The following MFSD6 variants were observed in gnomAD, a reference collection of about 807,000 sequenced individuals.
MFSD6 encodes major facilitator superfamily domain containing 6.
Under a neutral mutation model 56.3 loss-of-function variants are expected in MFSD6, and 26 were observed. The ratio of observed to expected loss-of-function variants is 0.46; its 90% confidence interval spans 0.34 to 0.64. The LOEUF is 0.64. Among genes scored for constraint, MFSD6 ranks in the 30% least tolerant of loss-of-function variants. The probability of loss-of-function intolerance (pLI) is 0.01; values close to 1 mark genes in which losing one functional copy is unlikely to be tolerated. For missense variants in MFSD6, 750 were observed against 986.2 expected, an observed-to-expected ratio of 0.76 and a Z score of 3.21; for synonymous variants, 331 against 366.9, an observed-to-expected ratio of 0.90 and a Z score of 1.12.
rs865873049 is a variant in MFSD6 at position 190,425,927 on chromosome 2, C to A, written c.-53-10050C>A. Among the ~76,000 whole-genome samples, 1 of 152,172 alleles carries A rather than the reference C, an allele frequency of 6.6e-6. No individual in the cohort carries two copies. Among genetic ancestry groups the A allele is most frequent in the Non-Finnish European group, 1.5e-5 (1 of 68,028 alleles). On this transcript the variant is annotated intron_variant, in intron 2 of 7. Transcript: ENST00000392328. The surrounding 1 kb of genome is among the most constrained non-coding windows in gnomAD (Gnocchi z 4.3). Reference sequence around the variant, plus strand: ...CCATGGTTTCTCAGAAATCTGCTATCATTTCAATTGTTTTTCTCCCATTGG... The same window carrying A: ...CCATGGTTTCTCAGAAATCTGCTATAATTTCAATTGTTTTTCTCCCATTGG...
chr2:190,480,844 G>A (rs970180570), intron 4 of MFSD6, among the ~76,000 whole-genome samples: 52 of 152,200 alleles, frequency 3.4e-4, no homozygotes, highest in African/African-American at 1.2e-3. Flanking sequence ...TCTAATAAAT[G>A]TTAGAAAACA....
Position 190,431,551 on chromosome 2 carries a change from G to A in MFSD6, c.-53-4426G>A, listed in dbSNP as rs375823602. On this transcript the variant is annotated intron_variant, in intron 2 of 7. Coordinates refer to ENST00000392328, the MANE Select transcript of MFSD6 (RefSeq NM_017694.4). The surrounding 1 kb of genome is among the most constrained non-coding windows in gnomAD (Gnocchi z 4.4). Reference sequence around the variant, plus strand: ...AACCCCGTCTCCACCAAAAAAATACGAAAACCAGTCAGGTGTGGCGGCGCG... The same window carrying A: ...AACCCCGTCTCCACCAAAAAAATACAAAAACCAGTCAGGTGTGGCGGCGCG... Among the ~76,000 whole-genome samples the A allele has an allele frequency of 3.3e-5, 5 of 152,212 alleles. No homozygotes were observed. The highest frequency in any genetic ancestry group is 1.9e-4 in the East Asian group (1 of 5,184).
rs191156556 is a variant in MFSD6, at chr2:190,438,138, T to C, written c.1532+577T>C. Among the ~76,000 whole-genome samples, 232 of 152,214 alleles carry C rather than the reference T, an allele frequency of 1.5e-3. 3 individuals are homozygous for C. The highest frequency in any genetic ancestry group is 5.4e-3 in the African/African-American group (223 of 41,518). On this transcript the variant is annotated intron_variant, in intron 3 of 7. Transcript: ENST00000392328. The surrounding 1 kb of genome is among the most constrained non-coding windows in gnomAD (Gnocchi z 5.2). ...TGGGTTATTACATGACTCCCTGCAT[T>C]TCTGTCCACCATGAAGACATAGGAT... is the stretch of plus-strand genomic sequence containing the variant.
chr2:190,464,918 G>C, intron 3 of MFSD6: 1 of 980,298 alleles, frequency 1.0e-6, no homozygotes, highest in Non-Finnish European at 1.2e-6. Context: ...TGGGGGTGGG[G>C]GAGGGTGGAT....
Position 190,436,112 on chromosome 2 carries a change from G to A in MFSD6, c.83G>A (p.Gly28Asp). 6.2e-7 allele frequency: 1 copy of A among 1,614,172 alleles called. No individual in the cohort carries two copies. The highest frequency in any genetic ancestry group is 2.2e-5 in the East Asian group (1 of 44,878). Residue 28 changes from glycine to aspartate, a missense_variant, in exon 3 of 8, where the codon GGT becomes GAT. Gly to Asp is a moderately conservative substitution (Grantham distance 94). Transcript: ENST00000392328. The surrounding 1 kb of genome is among the most constrained non-coding windows in gnomAD (Gnocchi z 5.3). ...TATGTGCTTGCAGATCCCTTTAATG[G>A]TATTTCCAGGGAACCAGAACCACCT... ...RKYVLADPFN[G>D]ISREPEPPSN...
rs1266594675 is a variant in MFSD6, at chr2:190,497,511, A to G, written c.1964A>G (p.Gln655Arg). 6.2e-7 allele frequency: 1 copy of G among 1,614,244 alleles called. No individual in the cohort carries two copies. ...CCTATAGCAACCATCGACTTGGTAC[A>G]GCAACAGACAGAAGATGTCATGCCA... is the stretch of plus-strand genomic sequence containing the variant. ...PVPIATIDLV[Q>R]QQTEDVMPRI... The change falls in exon 7 of 8, where the codon CAG (glutamine) becomes CGG (arginine). Residue 655 changes from glutamine (Q) to arginine (R), a missense_variant. Around this residue, in one of 5 missense-constraint regions of MFSD6, gnomAD observed 172 missense variants for 203.9 expected, o/e 0.84. Coordinates refer to ENST00000392328, the MANE Select transcript of MFSD6 (RefSeq NM_017694.4). This position sits in a 1 kb window ranked among gnomAD's most constrained non-coding sequence, Gnocchi z 5.2.
intron 2 of MFSD6, among the ~76,000 whole-genome samples, chr2:190,430,583 GAA>G (rs1467885844): frequency 2.0e-5 from 3 of 152,062 alleles, no homozygotes. Flanking sequence ...AGAACAAAAT[GAA>G]AAGTCTCCCA....
rs1574242245 is a variant in MFSD6, at chr2:190,487,738, T to C, written c.1631-919T>C. Reference sequence around the variant, plus strand: ...TTATGATTGCTATTTTAAAAAGATATATATAAGTTCTGGCAAGGAGGTGGA... The same window carrying C: ...TTATGATTGCTATTTTAAAAAGATACATATAAGTTCTGGCAAGGAGGTGGA... On this transcript the variant is annotated intron_variant, in intron 4 of 7. Transcript: ENST00000392328. The surrounding 1 kb of genome is among the most constrained non-coding windows in gnomAD (Gnocchi z 5.5). Among the ~76,000 whole-genome samples the C allele has an allele frequency of 1.3e-5, 2 of 152,280 alleles. No individual in the cohort carries two copies. The highest frequency in any genetic ancestry group is 2.1e-4 in the South Asian group (1 of 4,832).
intron 1 of MFSD6, among the ~76,000 whole-genome samples, chr2:190,409,088 C>G (rs1300383472): frequency 6.6e-6 from 1 of 152,192 alleles, no homozygotes; most frequent in Non-Finnish European, 1.5e-5. Flanking sequence ...AAAAATACCT[C>G]TGCTCTGCCA....
At position 190,471,111 on chromosome 2, in the gene MFSD6, G is replaced by A. The variant is rs1355120605; in HGVS notation, c.1630+1256G>A. 1.3e-5 allele frequency among the ~76,000 whole-genome samples: 2 copies of A among 152,158 alleles called. No individual in the cohort carries two copies. Among genetic ancestry groups the A allele is most frequent in the African/African-American group, 2.4e-5 (1 of 41,430 alleles). On this transcript the variant is annotated intron_variant, in intron 4 of 7. Transcript: ENST00000392328. This position sits in a 1 kb window ranked among gnomAD's most constrained non-coding sequence, Gnocchi z 4.7. ...TGTCATTTAAGAATAACAGGAGGGT[G>A]GAGCCAAGATGGCCGAATAGGAACA...
At position 190,431,577 on chromosome 2, in the gene MFSD6, C is replaced by T. The variant is rs977412764; in HGVS notation, c.-53-4400C>T. The stretch of plus-strand genomic sequence containing the variant: ...AAAACCAGTCAGGTGTGGCGGCGCG[C>T]GCCTGCAATCGCAGGCACTTGGCAG... On this transcript the variant is annotated intron_variant, in intron 2 of 7. Coordinates refer to ENST00000392328, the MANE Select transcript of MFSD6 (RefSeq NM_017694.4). The surrounding 1 kb of genome is among the most constrained non-coding windows in gnomAD (Gnocchi z 4.4). 7.2e-5 allele frequency among the ~76,000 whole-genome samples: 11 copies of T among 152,208 alleles called. No individual in the cohort carries two copies. Among genetic ancestry groups the T allele is most frequent in the East Asian group, 1.9e-4 (1 of 5,182 alleles).
In MFSD6 at chr2:190,463,051, G is replaced by A. The variant is rs1437141776; in HGVS notation, c.1533-6707G>A. On this transcript the variant is annotated intron_variant, in intron 3 of 7. Transcript: ENST00000392328. This position sits in a 1 kb window ranked among gnomAD's most constrained non-coding sequence, Gnocchi z 4.4. ...CAGGATGCAGGAGATGCCATGGAGAGGACAAAAAAAGGGGAGAGAAGACAA... is the reference window on the plus strand; with the variant it reads ...CAGGATGCAGGAGATGCCATGGAGAAGACAAAAAAAGGGGAGAGAAGACAA... Among the ~76,000 whole-genome samples, 1 of 151,738 alleles carries A rather than the reference G, an allele frequency of 6.6e-6. No individual in the cohort carries two copies. The highest frequency in any genetic ancestry group is 2.1e-4 in the South Asian group (1 of 4,822).
At position 190,413,911 on chromosome 2, in the gene MFSD6, C is replaced by T. The variant is rs1432809827; in HGVS notation, c.-175-1381C>T. Reference sequence around the variant, plus strand: ...ACTGGAGCAGTGGCAGGAGTGGGTCCCTGTGAGTCACGCTGGGAATTCTTA... The same window carrying T: ...ACTGGAGCAGTGGCAGGAGTGGGTCTCTGTGAGTCACGCTGGGAATTCTTA... On this transcript the variant is annotated intron_variant, in intron 1 of 7. Transcript: ENST00000392328. This position sits in a 1 kb window ranked among gnomAD's most constrained non-coding sequence, Gnocchi z 4.1. 2.6e-5 allele frequency among the ~76,000 whole-genome samples: 4 copies of T among 152,084 alleles called. No individual in the cohort carries two copies. Among genetic ancestry groups the T allele is most frequent in the Non-Finnish European group, 5.9e-5 (4 of 68,028 alleles).
chr2:190,456,615 C>T lies in MFSD6; in HGVS notation c.1533-13143C>T, dbSNP rs1191960957. ...TCTGTCCCTGCCATTCTCTCTGTGG[C>T]CTGTTCACACCCCTCTCCTTTCACA... On this transcript the variant is annotated intron_variant, in intron 3 of 7. Transcript: ENST00000392328. The surrounding 1 kb of genome is among the most constrained non-coding windows in gnomAD (Gnocchi z 5.4). 6.6e-6 allele frequency among the ~76,000 whole-genome samples: 1 copy of T among 152,228 alleles called. No homozygotes were observed. The highest frequency in any genetic ancestry group is 1.5e-5 in the Non-Finnish European group (1 of 68,034).
At position 190,471,316 on chromosome 2, in the gene MFSD6, G is replaced by T. The variant is rs1352622205; in HGVS notation, c.1630+1461G>T. On this transcript the variant is annotated intron_variant, in intron 4 of 7. Coordinates refer to ENST00000392328, the MANE Select transcript of MFSD6 (RefSeq NM_017694.4). The surrounding 1 kb of genome is among the most constrained non-coding windows in gnomAD (Gnocchi z 4.7). ...GCATCACCTCACCCAGGAAGCACAA[G>T]GGGTCAGGGAATTCCCTTTCCTAGC... Among the ~76,000 whole-genome samples, 1 of 152,226 alleles carries T rather than the reference G, an allele frequency of 6.6e-6. No homozygotes were observed. The highest frequency in any genetic ancestry group is 6.5e-5 in the Admixed American group (1 of 15,288).
chr2:190,481,500 A>G (rs1258264113), intron 4 of MFSD6, among the ~76,000 whole-genome samples: 2 of 152,166 alleles, frequency 1.3e-5, no homozygotes, highest in Non-Finnish European at 2.9e-5. Context: ...CCTTTTGTTC[A>G]GCTGCTGTTA....
At chr2:190,464,967 G>A in intron 3 of MFSD6, 2 of 914,968 alleles carry the variant, frequency 2.2e-6, no homozygotes, top group Non-Finnish European at 2.6e-6. Flanking sequence ...GAAAAGTAGG[G>A]TCTCACAACT....
At chr2:190,441,124 T>C (rs1402349486) in intron 3 of MFSD6, among the ~76,000 whole-genome samples, 1 of 152,174 alleles carries the variant, frequency 6.6e-6, no homozygotes, top group Non-Finnish European at 1.5e-5. Context: ...CATCATCTTA[T>C]TTCTACCCAT....
At position 190,497,669 on chromosome 2, in the gene MFSD6, A is replaced by C; in HGVS notation, c.2122A>C (p.Met708Leu). ...FVYALYQIKE[M>L]MQLTRDNRAS... is the part of the protein sequence containing the mutation. ...CTATGCACTCTACCAAATTAAAGAG[A>C]TGATGCAACTCACAAGAGACAACCG... is the stretch of plus-strand genomic sequence containing the variant. Residue 708 changes from methionine to leucine, a missense_variant, in exon 7 of 8, where the codon ATG becomes CTG. Around this residue, in one of 5 missense-constraint regions of MFSD6, gnomAD observed 172 missense variants for 203.9 expected, o/e 0.84. Transcript: ENST00000392328. The surrounding 1 kb of genome is among the most constrained non-coding windows in gnomAD (Gnocchi z 5.2). 1 of 1,614,184 alleles carries C rather than the reference A, an allele frequency of 6.2e-7. No homozygotes were observed.
Sources: gnomAD v4.1 joint callset for allele counts (sites outside exome capture counted in the v4.1 genomes callset) on GRCh38, gnomAD v4.1.1 for gene constraint, gnomAD v4.1.1 regional missense constraint, Gnocchi (gnomAD v3.1) non-coding constraint, MANE v1.5 for transcripts, NCBI Gene and HGNC (gene_info 2026-07-23, HGNC 2026-07-21) for gene names.